Variants in KLHL32 observed in about 807,000 individuals in gnomAD.
KLHL32 encodes the protein kelch like family member 32, also known as kelch-like protein 32.
In KLHL32, 35 loss-of-function variants were observed where a neutral mutation model predicts 64.8. That is an observed-to-expected ratio of 0.54 (90% CI 0.41 to 0.72). The LOEUF is 0.72. Ranked by LOEUF, KLHL32 falls within the 30% of genes least tolerant of loss-of-function variation. The pLI, the probability that KLHL32 is intolerant of heterozygous loss-of-function variation, is 0.00. For synonymous variants in KLHL32, 259 were observed against 281.0 expected (o/e 0.92, Z 0.78); for missense variants, 589 against 768.5 (o/e 0.77, Z 2.76).
At chr6:97,044,598 G>T (rs1468456448) in intron 4 of KLHL32, among the ~76,000 whole-genome samples, 1 of 151,978 alleles carries the variant, frequency 6.6e-6, no homozygotes, top group African/African-American at 2.4e-5. Context: ...TTCTTTAAAT[G>T]TTTGGTAGAA....
intron 6 of KLHL32, chr6:97,105,355 T>G: frequency 2.2e-6 from 1 of 446,078 alleles, no homozygotes; most frequent in East Asian, 7.1e-5. Flanking sequence ...CAAGAGCTCA[T>G]CAACATGCCC....
At chr6:97,000,116 T>C (rs1778855639) in intron 3 of KLHL32, among the ~76,000 whole-genome samples, 1 of 152,214 alleles carries the variant, frequency 6.6e-6, no homozygotes, top group South Asian at 2.1e-4. Flanking sequence ...GTGTACATTT[T>C]AATCAAAGCC....
At chr6:96,985,261 CCCTTTGTGGGTAA>C (rs1776871595) in intron 3 of KLHL32, among the ~76,000 whole-genome samples, 1 of 152,168 alleles carries the variant, frequency 6.6e-6, no homozygotes, top group South Asian at 2.1e-4. Context: ...TGATGGGCTT[CCCTTTGTGGGTAA>C]CCTGGTCTTT....
chr6:97,047,988 A>G (rs2128133433), intron 4 of KLHL32, among the ~76,000 whole-genome samples: 1 of 152,326 alleles, frequency 6.6e-6, no homozygotes, highest in African/African-American at 2.4e-5. Flanking sequence ...TCTGGCTATG[A>G]TGATGTCAAG....
At chr6:97,031,394 G>T (rs1320175975) in intron 3 of KLHL32, among the ~76,000 whole-genome samples, 3 of 151,738 alleles carry the variant, frequency 2.0e-5, no homozygotes, top group African/African-American at 7.3e-5. Context: ...GGAGTGCAGT[G>T]GTGTGATCAT....
In KLHL32 at chr6:97,139,564, C is replaced by T. The variant is rs780321551; in HGVS notation, c.*282C>T. 1 of 296,044 alleles carries T rather than the reference C, an allele frequency of 3.4e-6. No homozygotes were observed. The highest frequency in any genetic ancestry group is 6.2e-6 in the Non-Finnish European group (1 of 160,788). The allele number at this position is 296,044 out of a possible 1,614,324, so 18.3% of individuals were successfully genotyped here. ...GGGTCTTTAGAGCATTCTTTGTACA[C>T]TTTTTCTAATCAGCACTGTCTTAAG... is the stretch of plus-strand genomic sequence containing the variant. On this transcript the variant is annotated 3_prime_UTR_variant, in exon 11 of 11. Coordinates refer to ENST00000369261, the MANE Select transcript of KLHL32 (RefSeq NM_052904.4).
At chr6:96,966,925 A>G (rs1194558660) in intron 1 of KLHL32, 71 bp from the exon 2 acceptor site, 6 of 695,986 alleles carry the variant, frequency 8.6e-6, no homozygotes, top group East Asian at 8.2e-5. Context: ...AAACTTTAGC[A>G]TCAGGAAGAC....
At chr6:97,111,703 C>T (rs1179224425) in intron 6 of KLHL32, among the ~76,000 whole-genome samples, 2 of 152,158 alleles carry the variant, frequency 1.3e-5, no homozygotes, top group Non-Finnish European at 1.5e-5. Flanking sequence ...ACCCTCTTGG[C>T]ACCTGAGTTC....
intron 5 of KLHL32, among the ~76,000 whole-genome samples, chr6:97,066,069 G>T (rs1035808168): frequency 1.3e-5 from 2 of 152,120 alleles, no homozygotes; most frequent in Non-Finnish European, 2.9e-5. Flanking sequence ...CTTTCTGCCT[G>T]TAGCAAATGG....
At position 97,042,799 on chromosome 6, in the gene KLHL32, CT is replaced by C. The variant is rs1785325693; in HGVS notation, c.312+1201del. Among the ~76,000 whole-genome samples, 3 of 152,270 alleles carry C rather than the reference CT, an allele frequency of 2.0e-5. No individual in the cohort carries two copies. The East Asian group carries it at 5.8e-4, about 29-fold the overall frequency. ...ACATCTCCCATTAGTCCATCCACCC[CT>C]GCTACAGTTTGGATGTTTGTCCTCT... On this transcript the variant is annotated intron_variant, in intron 4 of 10. Transcript: ENST00000369261.
chr6:97,126,343 T>A (rs951578154), intron 7 of KLHL32, among the ~76,000 whole-genome samples: 1 of 149,564 alleles, frequency 6.7e-6, no homozygotes, highest in Admixed American at 6.6e-5. Flanking sequence ...TGCTGTTTTA[T>A]GTTTTTTTTT....
chr6:96,987,797 G>T (rs989366861), intron 3 of KLHL32, among the ~76,000 whole-genome samples: 6 of 151,880 alleles, frequency 4.0e-5, no homozygotes, highest in South Asian at 2.1e-4. Context: ...GAAATAATGC[G>T]GCATATCTAC....
chr6:96,906,196 G>C, the KLHL32 span, among the ~76,000 whole-genome samples: 2 of 152,298 alleles, frequency 1.3e-5, no homozygotes, highest in South Asian at 2.1e-4. Flanking sequence ...CCTAAACAGG[G>C]AACCCAGTTA....
chr6:97,099,545 C>T (rs1321661571), intron 6 of KLHL32, among the ~76,000 whole-genome samples: 8 of 152,228 alleles, frequency 5.3e-5, no homozygotes, highest in African/African-American at 1.9e-4. Flanking sequence ...ACAGCTACTA[C>T]CTTCTACTCA....
At chr6:97,089,071 C>G (rs1158617197) in intron 6 of KLHL32, among the ~76,000 whole-genome samples, 1 of 152,204 alleles carries the variant, frequency 6.6e-6, no homozygotes, top group Non-Finnish European at 1.5e-5. Flanking sequence ...TGAGCACCTA[C>G]TAAATACCCA....
Position 96,940,976 on chromosome 6 carries a change from G to A in KLHL32, c.-66+15950G>A, listed in dbSNP as rs573539317. On this transcript the variant is annotated intron_variant, in intron 1 of 10. Coordinates refer to ENST00000369261, the MANE Select transcript of KLHL32 (RefSeq NM_052904.4). ...GAAAGCGTAATAGATGATGTGAAAT[G>A]TACAAATCAAAAATAGAAACGTGAA... Among the ~76,000 whole-genome samples, 9 of 152,274 alleles carry A rather than the reference G, an allele frequency of 5.9e-5. No individual in the cohort carries two copies. The South Asian group carries it at 1.0e-3, about 18-fold the overall frequency.
intron 7 of KLHL32, among the ~76,000 whole-genome samples, chr6:97,121,522 G>A (rs1444810351): frequency 6.6e-6 from 1 of 152,130 alleles, no homozygotes; most frequent in African/African-American, 2.4e-5. Flanking sequence ...AAAGAGAAAG[G>A]TGATAAAATG....
In KLHL32 at chr6:97,139,373, T is replaced by G; in HGVS notation, c.*91T>G. ...ACTCAGTGCTCCATGCTTCCTTGTC[T>G]TGCTTTATAGGTCTTATATTCGGAT... On this transcript the variant is annotated 3_prime_UTR_variant, in exon 11 of 11. Transcript: ENST00000369261. 1 of 1,150,452 alleles carries G rather than the reference T, an allele frequency of 8.7e-7. No homozygotes were observed. Among genetic ancestry groups the G allele is most frequent in the Non-Finnish European group, 1.2e-6 (1 of 806,824 alleles). The allele number at this position is 1,150,452 out of a possible 1,614,324, so 71.3% of individuals were successfully genotyped here.
chr6:96,924,119 T>C (rs1442368290), upstream of KLHL32, among the ~76,000 whole-genome samples: 1 of 152,262 alleles, frequency 6.6e-6, no homozygotes, highest in South Asian at 2.1e-4. Context: ...TTAAAGTTAC[T>C]GTGAATTTGT....
Sources: allele counts gnomAD v4.1 joint callset (sites outside exome capture counted in the v4.1 genomes callset), GRCh38; gene constraint gnomAD v4.1.1; transcripts MANE v1.5; gene names NCBI Gene and HGNC (gene_info 2026-07-23, HGNC 2026-07-21).